FAR2: variants seen among roughly 807,000 people sequenced by gnomAD.
FAR2 encodes fatty acyl-CoA reductase 2.
A neutral mutation model predicts 56.0 loss-of-function variants in FAR2; 19 were observed. The observed-to-expected ratio is 0.34, with a 90% CI of 0.24 to 0.50. FAR2 has a LOEUF of 0.50. Ranked by LOEUF, FAR2 falls within the 20% of genes least tolerant of loss-of-function variation. FAR2 has a pLI of 0.98. For synonymous variants in FAR2, 219 were observed against 218.8 expected, an observed-to-expected ratio of 1.00 and a Z score of -0.01; for missense variants, 508 against 642.2, an observed-to-expected ratio of 0.79 and a Z score of 2.26.
intron 1 of FAR2, among the ~76,000 whole-genome samples, chr12:29,150,480 G>A (rs963553967): frequency 2.0e-5 from 3 of 152,150 alleles, no homozygotes; most frequent in Admixed American, 6.5e-5. Context: ...CTGGGCAAAT[G>A]GAAATTTGAG....
intron 1 of FAR2, among the ~76,000 whole-genome samples, chr12:29,177,638 C>G (rs901508168): frequency 2.0e-5 from 3 of 152,100 alleles, no homozygotes; most frequent in Non-Finnish European, 4.4e-5. Context: ...AATTACATTA[C>G]TCTGACACAG....
intron 10 of FAR2, among the ~76,000 whole-genome samples, chr12:29,326,807 A>T (rs896123504): frequency 2.0e-5 from 3 of 151,932 alleles, no homozygotes; most frequent in Non-Finnish European, 4.4e-5. Context: ...TACTGAATGG[A>T]CAAAAACTGG....
intron 1 of FAR2, among the ~76,000 whole-genome samples, chr12:29,163,796 C>T (rs1318925674): frequency 1.3e-5 from 2 of 152,180 alleles, no homozygotes; most frequent in Non-Finnish European, 2.9e-5. Flanking sequence ...CCATTTCCAT[C>T]ATTTTATTTC....
intron 1 of FAR2, among the ~76,000 whole-genome samples, chr12:29,197,035 T>C (rs1950149744): frequency 6.6e-6 from 1 of 152,204 alleles, no homozygotes; most frequent in South Asian, 2.1e-4. Context: ...TTTGAAGTCA[T>C]ACATTTGTGT....
chr12:29,270,585 C>G lies in FAR2; in HGVS notation c.136C>G (p.Pro46Ala). Residue 46 changes from proline (P) to alanine (A), a missense_variant, in exon 2 of 12, where the codon CCC (proline) becomes GCC (alanine). Pro to Ala is a conservative substitution (Grantham distance 27, BLOSUM62 -1). Transcript: ENST00000536681. ...GAAAGTCATTTACATCCTTGTGAGG[C>G]CCAAGGCTGGCCAGACACTGCAGCA... ...DLKVIYILVR[P>A]KAGQTLQQRV... 6.2e-7 allele frequency: 1 copy of G among 1,614,036 alleles called. No individual in the cohort carries two copies. Among genetic ancestry groups the G allele is most frequent in the South Asian group, 1.1e-5 (1 of 91,060 alleles).
At chr12:29,164,318 C>T (rs764129379) in intron 1 of FAR2, among the ~76,000 whole-genome samples, 6 of 152,156 alleles carry the variant, frequency 3.9e-5, no homozygotes, top group Admixed American at 2.0e-4. Flanking sequence ...CTTTTGCCGA[C>T]GCGGCTGCTG....
At chr12:29,301,508 T>C (rs1488183642) in intron 4 of FAR2, 1 of 152,260 alleles carries the variant, frequency 6.6e-6, no homozygotes, top group East Asian at 1.9e-4. Context: ...CAGGGTTTTA[T>C]GGTTGGTGCT....
chr12:29,172,723 G>T (rs984240082), intron 1 of FAR2, among the ~76,000 whole-genome samples: 1 of 152,210 alleles, frequency 6.6e-6, no homozygotes, highest in African/African-American at 2.4e-5. Flanking sequence ...GGTGACAGGG[G>T]AGTATATTTT....
At chr12:29,182,839 TCTCTTCATTTTCC>T (rs1950004266) in intron 1 of FAR2, among the ~76,000 whole-genome samples, 1 of 152,056 alleles carries the variant, frequency 6.6e-6, no homozygotes, top group Admixed American at 6.6e-5. Flanking sequence ...TATCTACGTA[TCTCTTCATTTTCC>T]CATTCACACC....
chr12:29,165,950 T>A (rs1327423281), intron 1 of FAR2, among the ~76,000 whole-genome samples: 1 of 152,264 alleles, frequency 6.6e-6, no homozygotes, highest in African/African-American at 2.4e-5. Flanking sequence ...GTAAAAAGCT[T>A]TCTCCTGTCC....
intron 1 of FAR2, among the ~76,000 whole-genome samples, chr12:29,251,253 C>G (rs753451041): frequency 6.6e-6 from 1 of 152,174 alleles, no homozygotes; most frequent in Non-Finnish European, 1.5e-5. Context: ...AGACCTAGAA[C>G]CTTTTGAATG....
At chr12:29,255,814 C>A (rs1591897202) in intron 1 of FAR2, among the ~76,000 whole-genome samples, 3 of 151,968 alleles carry the variant, frequency 2.0e-5, no homozygotes, top group African/African-American at 7.3e-5. Flanking sequence ...CTAAGAAATT[C>A]TTTTTAAAGT....
At chr12:29,303,983 T>A (rs756472744) in intron 4 of FAR2, among the ~76,000 whole-genome samples, 2 of 152,132 alleles carry the variant, frequency 1.3e-5, no homozygotes, top group Non-Finnish European at 2.9e-5. Context: ...TTGAGGGAAA[T>A]ACAGAGGCCA....
At chr12:29,286,458 G>C (rs1948878214) in intron 2 of FAR2, among the ~76,000 whole-genome samples, 2 of 152,168 alleles carry the variant, frequency 1.3e-5, no homozygotes, top group African/African-American at 4.8e-5. Flanking sequence ...TGCCATTTCT[G>C]AGTTAATATC....
chr12:29,267,454 C>A (rs963127440), intron 1 of FAR2, among the ~76,000 whole-genome samples: 1 of 152,124 alleles, frequency 6.6e-6, no homozygotes, highest in Non-Finnish European at 1.5e-5. Context: ...TAGTAATTTC[C>A]TGAGGTCACA....
At chr12:29,150,289 T>C (rs1949672159) in intron 1 of FAR2, among the ~76,000 whole-genome samples, 1 of 152,048 alleles carries the variant, frequency 6.6e-6, no homozygotes, top group Non-Finnish European at 1.5e-5. Flanking sequence ...TCTTCCACGG[T>C]TGAGTTATGT....
At chr12:29,172,604 C>T (rs61916737) in intron 1 of FAR2, among the ~76,000 whole-genome samples, 41,282 of 151,984 alleles carry the variant, frequency 0.27, 6,980 homozygotes, top group Admixed American at 0.42. Context: ...ATAATGCCTC[C>T]AGATTTTGTT....
intron 10 of FAR2, among the ~76,000 whole-genome samples, chr12:29,323,024 G>A (rs537934167): frequency 2.6e-5 from 4 of 152,218 alleles, no homozygotes; most frequent in African/African-American, 7.2e-5. Context: ...CTTCTGCGTC[G>A]CTCACGCTGG....
At chr12:29,163,576 T>C (rs748722129) in intron 1 of FAR2, among the ~76,000 whole-genome samples, 7 of 152,248 alleles carry the variant, frequency 4.6e-5, no homozygotes, top group Non-Finnish European at 8.8e-5. Context: ...TGTCCTATGA[T>C]TCTGCAGCTT....
Sources: gnomAD v4.1 joint callset for allele counts (sites outside exome capture counted in the v4.1 genomes callset) on GRCh38, gnomAD v4.1.1 for gene constraint, MANE v1.5 for transcripts, NCBI Gene and HGNC (gene_info 2026-07-23, HGNC 2026-07-21) for gene names.